Variants in IGSF5 observed in about 807,000 individuals in gnomAD.
IGSF5 encodes immunoglobulin superfamily member 5.
Under a neutral mutation model 39.4 loss-of-function variants are expected in IGSF5, and 41 were observed. The ratio of observed to expected loss-of-function variants is 1.04; its 90% CI spans 0.81 to 1.35. The LOEUF (loss-of-function observed/expected upper bound fraction) is 1.35, where lower values mean the gene tolerates loss of function less well. Ranked by LOEUF, IGSF5 falls within the 40% of genes most tolerant of loss-of-function variation. The probability of loss-of-function intolerance (pLI) is 0.00; values close to 1 mark genes in which losing one functional copy is unlikely to be tolerated. For missense variants in IGSF5, 487 were observed against 494.6 expected, an observed-to-expected ratio of 0.98 and a Z score of 0.15; for synonymous variants, 183 against 175.3, an observed-to-expected ratio of 1.04 and a Z score of -0.34.
the IGSF5 span, among the ~76,000 whole-genome samples, chr21:39,738,706 A>G: frequency 2.4e-3 from 359 of 151,974 alleles, no homozygotes; most frequent in Non-Finnish European, 3.7e-3. The surrounding 1 kb of genome is among the most constrained non-coding windows in gnomAD (Gnocchi z 6.4). Flanking sequence ...GCGAGTAGAC[A>G]CACAGGTGAA....
intron 6 of IGSF5, among the ~76,000 whole-genome samples, chr21:39,791,065 C>T (rs2086961567): frequency 1.3e-5 from 2 of 152,172 alleles, no homozygotes; most frequent in Non-Finnish European, 2.9e-5. Context: ...CAATCTCTAA[C>T]AAATACCAAG....
At chr21:39,800,450 A>T (rs187096046) in intron 8 of IGSF5, among the ~76,000 whole-genome samples, 2 of 152,246 alleles carry the variant, frequency 1.3e-5, no homozygotes, top group Non-Finnish European at 2.9e-5. Context: ...GACAGTAGGA[A>T]TCTCTAGCAT....
At chr21:39,764,215 T>G (rs1352568237) in intron 2 of IGSF5, among the ~76,000 whole-genome samples, 3 of 152,148 alleles carry the variant, frequency 2.0e-5, no homozygotes, top group Non-Finnish European at 2.9e-5. Context: ...GTGTTGTTCT[T>G]GCAGGGGCAG....
At chr21:39,785,420 C>G (rs1032993337) in intron 5 of IGSF5, among the ~76,000 whole-genome samples, 1 of 152,128 alleles carries the variant, frequency 6.6e-6, no homozygotes, top group Non-Finnish European at 1.5e-5. Context: ...ACCTATATCT[C>G]TGTTTTGGTA....
the IGSF5 span, chr21:39,722,607 CCAAA>C: frequency 6.6e-6 from 1 of 152,104 alleles, no homozygotes; most frequent in Non-Finnish European, 1.5e-5. Context: ...GGGATTGTTA[CCAAA>C]CAGAAGCTGG....
intron 2 of IGSF5, among the ~76,000 whole-genome samples, chr21:39,759,143 A>G (rs1326984736): frequency 1.3e-5 from 2 of 152,216 alleles, no homozygotes; most frequent in Non-Finnish European, 2.9e-5. Context: ...AATGCTGGCC[A>G]TGACAGTGTT....
At chr21:39,762,801 G>T (rs2080067614) in intron 2 of IGSF5, among the ~76,000 whole-genome samples, 1 of 152,124 alleles carries the variant, frequency 6.6e-6, no homozygotes, top group Non-Finnish European at 1.5e-5. Flanking sequence ...ATGAGGGTTT[G>T]TAGGGTGGAC....
At chr21:39,761,083 G>A (rs1338669831) in intron 2 of IGSF5, among the ~76,000 whole-genome samples, 1 of 152,102 alleles carries the variant, frequency 6.6e-6, no homozygotes, top group Non-Finnish European at 1.5e-5. Context: ...ACAGAATAGA[G>A]AACCCTAAAA....
chr21:39,748,874 T>C (rs1308613580), intron 2 of IGSF5, among the ~76,000 whole-genome samples: 1 of 152,220 alleles, frequency 6.6e-6, no homozygotes, highest in Non-Finnish European at 1.5e-5. Context: ...AATTGTGACG[T>C]GCAGCTGAAG....
chr21:39,765,442 G>T lies in IGSF5; in HGVS notation c.101-93G>T. Reference sequence around the variant, plus strand: ...TGAGTCACTGGATGGACAACCTGGGGGTTACCACTGGTAAATACAGAAAGG... The same window carrying T: ...TGAGTCACTGGATGGACAACCTGGGTGTTACCACTGGTAAATACAGAAAGG... On this transcript the variant is annotated intron_variant, in intron 2 of 8. Coordinates refer to ENST00000380588, the MANE Select transcript of IGSF5 (RefSeq NM_001080444.2). 3.4e-6 allele frequency: 4 copies of T among 1,164,670 alleles called. No homozygotes were observed. The South Asian group carries it at 5.7e-5, about 16-fold the overall frequency. The allele number at this position is 1,164,670 out of a possible 1,614,324, so 72.1% of individuals were successfully genotyped here.
intron 2 of IGSF5, among the ~76,000 whole-genome samples, chr21:39,758,289 C>A (rs1358292222): frequency 6.6e-6 from 1 of 152,108 alleles, no homozygotes; most frequent in Non-Finnish European, 1.5e-5. Context: ...CTGTGGGGCC[C>A]ATTTCCTCCT....
intron 4 of IGSF5, among the ~76,000 whole-genome samples, chr21:39,772,411 C>T (rs571567655): frequency 1.6e-4 from 25 of 152,292 alleles, no homozygotes; most frequent in African/African-American, 5.3e-4. Context: ...GCTGCCGTAA[C>T]GGAGGACCAC....
Position 39,791,288 on chromosome 21 carries a change from C to T in IGSF5, c.957-720C>T, listed in dbSNP as rs911036600. On this transcript the variant is annotated intron_variant, in intron 6 of 8. Coordinates refer to ENST00000380588, the MANE Select transcript of IGSF5 (RefSeq NM_001080444.2). ...TACTAGTCCTCCCTGATTGGGCACTCGGTTGTTTGCAGTTTGCTTTTATAA... is the reference window on the plus strand; with the variant it reads ...TACTAGTCCTCCCTGATTGGGCACTTGGTTGTTTGCAGTTTGCTTTTATAA... Among the ~76,000 whole-genome samples, 30 of 152,190 alleles carry T rather than the reference C, an allele frequency of 2.0e-4. 1 individual carries two copies. The highest frequency in any genetic ancestry group is 3.1e-4 in the African/African-American group (13 of 41,452).
chr21:39,787,401 C>A (rs1385539916), intron 5 of IGSF5, among the ~76,000 whole-genome samples: 1 of 152,146 alleles, frequency 6.6e-6, no homozygotes, highest in Non-Finnish European at 1.5e-5. Flanking sequence ...AAGGCCTGGA[C>A]AGTAAAGCTC....
chr21:39,792,131 T>C (rs1240795634), intron 7 of IGSF5, 32 bp downstream of exon 7: 5 of 1,462,478 alleles, frequency 3.4e-6, no homozygotes, highest in Non-Finnish European at 4.7e-6. Flanking sequence ...TGAAAAGACC[T>C]GGGAAAGAGA....
chr21:39,766,584 A>G (rs1216811158), intron 3 of IGSF5, among the ~76,000 whole-genome samples: 1 of 152,208 alleles, frequency 6.6e-6, no homozygotes, highest in African/African-American at 2.4e-5. Context: ...CAAGTCATTG[A>G]GAGAAAAGAA....
intron 2 of IGSF5, among the ~76,000 whole-genome samples, chr21:39,752,321 G>A (rs1456668558): frequency 5.0e-5 from 7 of 139,096 alleles, no homozygotes; most frequent in Non-Finnish European, 1.1e-4. Context: ...TCCATCCAAG[G>A]TGCTGCAAAA....
chr21:39,743,572 T>A (rs1322439333), upstream of IGSF5, among the ~76,000 whole-genome samples: 2 of 151,968 alleles, frequency 1.3e-5, no homozygotes, highest in Non-Finnish European at 2.9e-5. Flanking sequence ...CCCCTTTGTC[T>A]ATCTCCTTTT....
chr21:39,760,044 G>A (rs1043078218), intron 2 of IGSF5, among the ~76,000 whole-genome samples: 2 of 152,060 alleles, frequency 1.3e-5, no homozygotes, highest in African/African-American at 4.8e-5. Context: ...ATACCAAAGC[G>A]TTCAAATGCT....
Sources: gnomAD v4.1 joint callset for allele counts (sites outside exome capture counted in the v4.1 genomes callset) on GRCh38, gnomAD v4.1.1 for gene constraint, Gnocchi (gnomAD v3.1) non-coding constraint, MANE v1.5 for transcripts, NCBI Gene and HGNC (gene_info 2026-07-23, HGNC 2026-07-21) for gene names.